ST6GAL1: variants seen among roughly 807,000 people sequenced by gnomAD.
ST6GAL1 encodes the protein ST6 beta-galactoside alpha-2,6-sialyltransferase 1.
In ST6GAL1, 20 loss-of-function variants were observed where a neutral mutation model predicts 38.0. That is an observed-to-expected ratio of 0.53 (90% CI 0.37 to 0.77). The LOEUF is 0.77. ST6GAL1 is among the 30% of genes least tolerant of loss of function. The pLI is 0.00. For missense variants in ST6GAL1, 432 were observed against 496.4 expected, an observed-to-expected ratio of 0.87 and a Z score of 1.23; for synonymous variants, 196 against 188.2, an observed-to-expected ratio of 1.04 and a Z score of -0.34.
chr3:186,981,014 G>A (rs762473369), intron 2 of ST6GAL1, among the ~76,000 whole-genome samples: 6 of 152,336 alleles, frequency 3.9e-5, no homozygotes, highest in Admixed American at 6.5e-5. Flanking sequence ...TGTGCACTGA[G>A]GAGGGCTTTG....
rs141827933 is a variant in ST6GAL1, at chr3:187,055,886, G to A, written c.705+4540G>A. On this transcript the variant is annotated intron_variant, in intron 5 of 7. Coordinates refer to ENST00000169298, the MANE Select transcript of ST6GAL1 (RefSeq NM_173216.2). ...TGTTAAGTTTCTGTCTCGTTGATCC[G>A]TCTAATATTGACAGTGGGGTGTTGA... Among the ~76,000 whole-genome samples the A allele has an allele frequency of 7.2e-3, 1,103 of 152,164 alleles. 10 individuals are homozygous for A. The highest frequency in any genetic ancestry group is 0.024 in the African/African-American group (1,006 of 41,472).
chr3:187,061,630 T>C (rs73055059), intron 5 of ST6GAL1, among the ~76,000 whole-genome samples: 15,103 of 152,148 alleles, frequency 0.099, 2,492 homozygotes, highest in African/African-American at 0.34. Flanking sequence ...AAGACAGTCT[T>C]TTTAAGAAAT....
intron 5 of ST6GAL1, among the ~76,000 whole-genome samples, chr3:187,062,605 C>CAA (rs1267851773): frequency 1.3e-5 from 2 of 149,990 alleles, no homozygotes; most frequent in African/African-American, 5.0e-5. Flanking sequence ...CACACACACA[C>CAA]AAAATACTAT....
At chr3:186,966,867 G>A (rs953772534) in intron 2 of ST6GAL1, among the ~76,000 whole-genome samples, 1 of 152,166 alleles carries the variant, frequency 6.6e-6, no homozygotes, top group Non-Finnish European at 1.5e-5. Context: ...ATATGCTTGC[G>A]TTTCCTCTGC....
intron 1 of ST6GAL1, among the ~76,000 whole-genome samples, chr3:186,936,148 CTAATT>C (rs1191545811): frequency 6.6e-6 from 1 of 152,154 alleles, no homozygotes; most frequent in Admixed American, 6.5e-5. Context: ...GAAAATTGAT[CTAATT>C]TGTCTCAGTA....
chr3:187,077,087 GACTTAACGTCACTCTCAGAGGTCAGA>G lies in ST6GAL1; in HGVS notation c.*1287_*1312del. ...CAGGGTGTAGTGGTGTGGCTCTCTGGACTTAACGTCACTCTCAGAGGTCAGAACCTTGGAGATCAGAACTGATTCTC... is the reference window on the plus strand; with the variant it reads ...CAGGGTGTAGTGGTGTGGCTCTCTGGACCTTGGAGATCAGAACTGATTCTC... On this transcript the variant is annotated 3_prime_UTR_variant, in exon 8 of 8. Coordinates refer to ENST00000169298, the MANE Select transcript of ST6GAL1 (RefSeq NM_173216.2). 5.0e-6 allele frequency: 2 copies of G among 398,142 alleles called. No homozygotes were observed. The highest frequency in any genetic ancestry group is 8.9e-6 in the Non-Finnish European group (2 of 225,966). The allele number at this position is 398,142 out of a possible 1,614,324, so 24.7% of individuals were successfully genotyped here.
chr3:187,035,382 C>T (rs1486230376), intron 2 of ST6GAL1, among the ~76,000 whole-genome samples: 1 of 152,142 alleles, frequency 6.6e-6, no homozygotes, highest in Non-Finnish European at 1.5e-5. Flanking sequence ...TGTCATTTTT[C>T]ACAGAACTAG....
chr3:186,931,024 A>T (rs532395134), intron 1 of ST6GAL1, 190 bp downstream of exon 1: 2 of 152,548 alleles, frequency 1.3e-5, no homozygotes, highest in East Asian at 3.9e-4. Context: ...GGGTGTGTGC[A>T]TTTTTGTCAG....
intron 4 of ST6GAL1, among the ~76,000 whole-genome samples, chr3:187,047,512 T>A (rs1299236063): frequency 6.6e-6 from 1 of 152,202 alleles, no homozygotes; most frequent in Non-Finnish European, 1.5e-5. Flanking sequence ...AAGCGTGTGA[T>A]TGTATAATCT....
intron 1 of ST6GAL1, among the ~76,000 whole-genome samples, chr3:186,936,405 A>T (rs1579250193): frequency 1.3e-5 from 2 of 152,338 alleles, no homozygotes; most frequent in East Asian, 3.9e-4. Flanking sequence ...GATTTGTTCC[A>T]TAAGAACTGA....
rs1719558401 is a variant in ST6GAL1, at chr3:187,076,285, G to A, written c.*482G>A. 1 of 165,180 alleles carries A rather than the reference G, an allele frequency of 6.1e-6. No individual in the cohort carries two copies. Among genetic ancestry groups the A allele is most frequent in the African/African-American group, 2.4e-5 (1 of 41,658 alleles). 10.2% of individuals were successfully genotyped at this position (165,180 alleles called of 1,614,324 possible). ...TCTGGGGGGCAAGTAGGTGGTACAG[G>A]GGATTGGAAACATGCTCCGCGCCTC... On this transcript the variant is annotated 3_prime_UTR_variant, in exon 8 of 8. Transcript: ENST00000169298.
At chr3:187,065,810 A>C (rs1719086144) in intron 5 of ST6GAL1, among the ~76,000 whole-genome samples, 1 of 152,326 alleles carries the variant, frequency 6.6e-6, no homozygotes, top group Non-Finnish European at 1.5e-5. Context: ...TGTTAAATAT[A>C]TTATATATAC....
chr3:186,990,645 A>T (rs1415917398), intron 2 of ST6GAL1, among the ~76,000 whole-genome samples: 1 of 138,404 alleles, frequency 7.2e-6, no homozygotes, highest in African/African-American at 2.7e-5. Context: ...TTCCTACAGG[A>T]TGTTCTTTTT....
intron 5 of ST6GAL1, among the ~76,000 whole-genome samples, chr3:187,061,840 T>C (rs1307763298): frequency 1.3e-5 from 2 of 152,134 alleles, no homozygotes; most frequent in Non-Finnish European, 2.9e-5. Flanking sequence ...ACCAAAGGCA[T>C]ACATACGTAA....
intron 3 of ST6GAL1, among the ~76,000 whole-genome samples, chr3:187,039,753 G>T (rs529129850): frequency 2.6e-5 from 4 of 152,322 alleles, no homozygotes; most frequent in South Asian, 2.1e-4. Context: ...CAATTTGAGA[G>T]ATGAGAAAGG....
At chr3:186,993,556 TTTTA>T (rs71167027) in intron 2 of ST6GAL1, among the ~76,000 whole-genome samples, 18,624 of 87,750 alleles carry the variant, frequency 0.21, 1,195 homozygotes, top group Middle Eastern at 0.29. Flanking sequence ...CTTGACAGAG[TTTTA>T]TTTATTTATT....
At chr3:187,015,896 G>A (rs1278240462) in intron 2 of ST6GAL1, among the ~76,000 whole-genome samples, 1 of 152,156 alleles carries the variant, frequency 6.6e-6, no homozygotes, top group Non-Finnish European at 1.5e-5. Context: ...ACAGTTCTGG[G>A]TTCAAACCTT....
At chr3:187,039,664 T>C (rs2268534) in intron 3 of ST6GAL1, among the ~76,000 whole-genome samples, 28,064 of 152,168 alleles carry the variant, frequency 0.18, 3,035 homozygotes, top group African/African-American at 0.29. Context: ...TCCAAAACAT[T>C]TGTAGAGAAA....
At chr3:186,996,753 T>G (rs912276995) in intron 2 of ST6GAL1, 4 of 152,166 alleles carry the variant, frequency 2.6e-5, no homozygotes, top group Non-Finnish European at 5.9e-5. Context: ...TGACGTGCTA[T>G]AGAATTCCAG....
Sources: gnomAD v4.1 joint callset for allele counts (sites outside exome capture counted in the v4.1 genomes callset) on GRCh38, gnomAD v4.1.1 for gene constraint, MANE v1.5 for transcripts, NCBI Gene and HGNC (gene_info 2026-07-23, HGNC 2026-07-21) for gene names.